The following CMSS1 variants were observed in gnomAD, a reference collection of about 807,000 sequenced individuals.
CMSS1 encodes the protein cms1 ribosomal small subunit homolog, also known as protein CMSS1.
Under a neutral mutation model 43.5 loss-of-function variants are expected in CMSS1, and 33 were observed. The observed-to-expected ratio is 0.76, with a 90% CI of 0.57 to 1.01. The LOEUF is 1.01. Ranked by LOEUF, CMSS1 falls within the 50% of genes least tolerant of loss-of-function variation. The probability of loss-of-function intolerance (pLI) is 0.00; values close to 1 mark genes in which losing one functional copy is unlikely to be tolerated. For synonymous variants in CMSS1, 115 were observed against 117.2 expected (o/e 0.98, Z 0.12); for missense variants, 313 against 326.4 (o/e 0.96, Z 0.32).
intron 1 of CMSS1, among the ~76,000 whole-genome samples, chr3:100,063,013 TAGG>T (rs1375826801): frequency 1.3e-5 from 2 of 152,252 alleles, no homozygotes; most frequent in Non-Finnish European, 2.9e-5. Flanking sequence ...GCAAAATTTC[TAGG>T]AGTTCTCAGG....
chr3:100,121,055 T>TA (rs1401030166), intron 1 of CMSS1, among the ~76,000 whole-genome samples: 1 of 152,172 alleles, frequency 6.6e-6, no homozygotes, highest in Non-Finnish European at 1.5e-5. Flanking sequence ...ATAAACCACT[T>TA]ACGTCACAGC....
chr3:99,972,501 A>G (rs929124582), intron 1 of CMSS1, among the ~76,000 whole-genome samples: 4 of 152,190 alleles, frequency 2.6e-5, no homozygotes, highest in Non-Finnish European at 4.4e-5. Context: ...TATAATAATA[A>G]CAGATTGGTG....
intron 1 of CMSS1, among the ~76,000 whole-genome samples, chr3:99,903,995 G>A (rs1175038605): frequency 6.6e-6 from 1 of 152,154 alleles, no homozygotes; most frequent in Admixed American, 6.5e-5. Flanking sequence ...AAGATCTCTG[G>A]CCAGGAAGAG....
chr3:99,958,830 T>A (rs956738175), intron 1 of CMSS1, among the ~76,000 whole-genome samples: 1 of 152,152 alleles, frequency 6.6e-6, no homozygotes, highest in Admixed American at 6.5e-5. Flanking sequence ...CAAAATGAAC[T>A]GGAGATAGCT....
chr3:99,818,138 C>A, intron 1 of CMSS1, 95 bp downstream of exon 1: 2 of 1,230,958 alleles, frequency 1.6e-6, no homozygotes, highest in East Asian at 2.5e-5. Flanking sequence ...GGTGTTTGCC[C>A]AGCAGGGGTG....
At chr3:99,855,283 C>T (rs1483819109) in intron 1 of CMSS1, among the ~76,000 whole-genome samples, 1 of 152,108 alleles carries the variant, frequency 6.6e-6, no homozygotes, top group African/African-American at 2.4e-5. Flanking sequence ...AAAATGCATA[C>T]CATAGTTGGT....
At chr3:100,081,622 C>CTTG (rs2065933395) in intron 1 of CMSS1, among the ~76,000 whole-genome samples, 1 of 152,104 alleles carries the variant, frequency 6.6e-6, no homozygotes. Flanking sequence ...GTCTGCATGC[C>CTTG]AGTATAGTGT....
At chr3:100,082,687 C>G (rs748530100) in intron 1 of CMSS1, among the ~76,000 whole-genome samples, 13 of 152,100 alleles carry the variant, frequency 8.5e-5, no homozygotes, top group Admixed American at 2.6e-4. Context: ...ATTTAGGAAG[C>G]CTTTATAGAT....
At chr3:100,087,773 T>C (rs1036563808) in intron 1 of CMSS1, among the ~76,000 whole-genome samples, 1 of 152,006 alleles carries the variant, frequency 6.6e-6, no homozygotes, top group African/African-American at 2.4e-5. Context: ...CTTCTGGTAT[T>C]GTACCTAAGG....
intron 1 of CMSS1, among the ~76,000 whole-genome samples, chr3:99,852,225 G>A (rs1275594132): frequency 6.6e-6 from 1 of 152,176 alleles, no homozygotes; most frequent in Non-Finnish European, 1.5e-5. Context: ...CTGTTATACA[G>A]AAGCTAAAAT....
intron 1 of CMSS1, among the ~76,000 whole-genome samples, chr3:100,126,649 T>C (rs1339879392): frequency 2.6e-5 from 4 of 152,188 alleles, no homozygotes; most frequent in Non-Finnish European, 4.4e-5. Flanking sequence ...CTTAAATTTT[T>C]TTCTAGAATA....
intron 1 of CMSS1, among the ~76,000 whole-genome samples, chr3:99,999,391 G>A (rs760653096): frequency 6.6e-6 from 1 of 152,208 alleles, no homozygotes; most frequent in Non-Finnish European, 1.5e-5. Context: ...GTGTGCAATA[G>A]TAGTTGTATT....
chr3:100,121,553 G>A (rs573148829), intron 1 of CMSS1, among the ~76,000 whole-genome samples: 3 of 152,020 alleles, frequency 2.0e-5, no homozygotes, highest in Non-Finnish European at 4.4e-5. Context: ...ATAAACATAC[G>A]TGTACATGTG....
At chr3:99,951,404 C>A (rs142174774) in intron 1 of CMSS1, among the ~76,000 whole-genome samples, 1 of 152,120 alleles carries the variant, frequency 6.6e-6, no homozygotes, top group South Asian at 2.1e-4. Flanking sequence ...GGATACCTTG[C>A]GCATAGTATG....
At chr3:100,139,719 C>G (rs2066789257) in intron 1 of CMSS1, among the ~76,000 whole-genome samples, 1 of 150,130 alleles carries the variant, frequency 6.7e-6, no homozygotes, top group African/African-American at 2.5e-5. Context: ...ATCGCTTGAA[C>G]CCAGGAGGCG....
intron 1 of CMSS1, chr3:99,849,584 C>T (rs1340147562): frequency 1.2e-6 from 2 of 1,613,446 alleles, no homozygotes; most frequent in Non-Finnish European, 1.7e-6. Flanking sequence ...AGCCATTGTT[C>T]ATGGCTGGTC....
At chr3:99,962,501 T>G (rs1708523106) in intron 1 of CMSS1, among the ~76,000 whole-genome samples, 1 of 152,212 alleles carries the variant, frequency 6.6e-6, no homozygotes, top group South Asian at 2.1e-4. Flanking sequence ...GCTCTTTCAG[T>G]AGCATGACCA....
At chr3:99,888,535 G>A (rs114492955) in intron 1 of CMSS1, among the ~76,000 whole-genome samples, 1,762 of 152,274 alleles carry the variant, frequency 0.012, 19 homozygotes, top group African/African-American at 0.026. Context: ...ATATTAATGA[G>A]TTGGTTCGTT....
chr3:100,174,659 A>G (rs2067135277), intron 8 of CMSS1, among the ~76,000 whole-genome samples: 2 of 152,252 alleles, frequency 1.3e-5, no homozygotes, highest in Non-Finnish European at 1.5e-5. Context: ...CTAAAAGTGA[A>G]AAATCTAACA....
Sources: allele counts gnomAD v4.1 joint callset (sites outside exome capture counted in the v4.1 genomes callset), GRCh38; gene constraint gnomAD v4.1.1; transcripts MANE v1.5; gene names NCBI Gene and HGNC (gene_info 2026-07-23, HGNC 2026-07-21).